The following SHISA6 variants were observed in gnomAD, a reference collection of about 807,000 sequenced individuals.
The protein encoded by SHISA6 is protein shisa-6.
SHISA6 carries 22 observed loss-of-function variants against 47.9 expected under a neutral mutation model. The ratio of observed to expected loss-of-function variants is 0.46; its 90% CI spans 0.33 to 0.66. The LOEUF is 0.66. SHISA6 is among the 30% of genes least tolerant of loss of function. The pLI is 0.02. For synonymous variants in SHISA6, 388 were observed against 337.8 expected (o/e 1.15, Z -1.63); for missense variants, 680 against 764.6 (o/e 0.89, Z 1.30).
At chr17:11,546,973 C>A (rs2071888940) in intron 3 of SHISA6, among the ~76,000 whole-genome samples, 1 of 151,954 alleles carries the variant, frequency 6.6e-6, no homozygotes, top group Non-Finnish European at 1.5e-5. Context: ...TATTTAATGT[C>A]GATAAATGGT....
chr17:11,490,330 TGA>T (rs1446620140), intron 3 of SHISA6, among the ~76,000 whole-genome samples: 1 of 151,448 alleles, frequency 6.6e-6, no homozygotes, highest in Non-Finnish European at 1.5e-5. Flanking sequence ...TTGCAGACAC[TGA>T]GAGGGAGTAA....
At chr17:11,544,350 T>C (rs1310557000) in intron 3 of SHISA6, among the ~76,000 whole-genome samples, 1 of 152,096 alleles carries the variant, frequency 6.6e-6, no homozygotes, top group East Asian at 1.9e-4. Context: ...ATAAAAATAA[T>C]TCTCAAAACA....
At chr17:11,277,320 C>A (rs1303947366) in intron 2 of SHISA6, among the ~76,000 whole-genome samples, 1 of 118,868 alleles carries the variant, frequency 8.4e-6, no homozygotes, top group African/African-American at 3.2e-5. Context: ...ACACACACAC[C>A]CCGCATGTAC....
At chr17:11,480,170 C>T (rs1030536576) in intron 3 of SHISA6, among the ~76,000 whole-genome samples, 1 of 152,140 alleles carries the variant, frequency 6.6e-6, no homozygotes, top group African/African-American at 2.4e-5. Context: ...ACCTTTGTTC[C>T]TCTACAGGTA....
chr17:11,498,528 C>T (rs536453804), intron 3 of SHISA6, among the ~76,000 whole-genome samples: 1 of 152,184 alleles, frequency 6.6e-6, no homozygotes, highest in Non-Finnish European at 1.5e-5. Context: ...GGAATGTTCC[C>T]AACATAAAAA....
chr17:11,353,181 G>A (rs565106080), intron 2 of SHISA6, among the ~76,000 whole-genome samples: 5 of 152,264 alleles, frequency 3.3e-5, no homozygotes, highest in Admixed American at 1.3e-4. Flanking sequence ...AACACGGGCC[G>A]GGCACGGTGG....
intron 3 of SHISA6, among the ~76,000 whole-genome samples, chr17:11,497,148 C>T (rs1388906887): frequency 3.3e-5 from 5 of 152,076 alleles, no homozygotes; most frequent in Admixed American, 1.3e-4. Context: ...GAAGCCTTGA[C>T]CTGGGGAAAG....
In SHISA6 at chr17:11,481,356, G is replaced by GTATATATATATATA. The variant is rs1417264013; in HGVS notation, c.896-70539_896-70538insATATATATATATAT. On this transcript the variant is annotated intron_variant, in intron 3 of 5. Transcript: ENST00000441885. The stretch of plus-strand genomic sequence containing the variant: ...TATATATGTGTGTGTGTGTGTGTGT[G>GTATATATATATATA]TGTGTGTGTGTATATATATATATAT... Among the ~76,000 whole-genome samples, 88 of 121,132 alleles carry GTATATATATATATA rather than the reference G, an allele frequency of 7.3e-4. 1 individual carries two copies. Among genetic ancestry groups the GTATATATATATATA allele is most frequent in the African/African-American group, 2.5e-3 (81 of 32,374 alleles). The allele number at this position is 121,132 out of a possible 152,430, so 79.5% of individuals were successfully genotyped here.
At chr17:11,330,978 AGTT>A (rs1472149223) in intron 2 of SHISA6, among the ~76,000 whole-genome samples, 4 of 152,208 alleles carry the variant, frequency 2.6e-5, no homozygotes, top group Non-Finnish European at 5.9e-5. Flanking sequence ...GCAGATTTGA[AGTT>A]CTAGCCAGCC....
At chr17:11,283,825 A>T (rs1909204652) in intron 2 of SHISA6, among the ~76,000 whole-genome samples, 1 of 152,218 alleles carries the variant, frequency 6.6e-6, no homozygotes. Flanking sequence ...CTGTGGAGAA[A>T]CTTATCTCTT....
At chr17:11,541,721 C>T (rs907471975) in intron 3 of SHISA6, among the ~76,000 whole-genome samples, 4 of 152,096 alleles carry the variant, frequency 2.6e-5, no homozygotes, top group Non-Finnish European at 5.9e-5. Flanking sequence ...TTTACTAATA[C>T]CAAAAGATCT....
At chr17:11,379,340 T>TGA in intron 2 of SHISA6, 74 bp from the exon 3 acceptor site, 1 of 1,080,458 alleles carries the variant, frequency 9.3e-7, no homozygotes, top group East Asian at 2.9e-5. Context: ...CACTGTTGGG[T>TGA]GAGATGCAGC....
intron 3 of SHISA6, among the ~76,000 whole-genome samples, chr17:11,424,536 T>G (rs1357697410): frequency 6.6e-6 from 1 of 151,422 alleles, no homozygotes; most frequent in Non-Finnish European, 1.5e-5. Context: ...ACTATTGGCC[T>G]GCAATTATAA....
intron 3 of SHISA6, among the ~76,000 whole-genome samples, chr17:11,393,612 A>G (rs1008196453): frequency 2.6e-5 from 4 of 151,962 alleles, no homozygotes; most frequent in African/African-American, 9.7e-5. Flanking sequence ...CCAGAATCTT[A>G]TATATATATA....
At chr17:11,332,256 T>A (rs1296023297) in intron 2 of SHISA6, among the ~76,000 whole-genome samples, 1 of 140,904 alleles carries the variant, frequency 7.1e-6, no homozygotes, top group African/African-American at 2.7e-5. Context: ...AAAAAAAAAA[T>A]GGAAAGACAA....
intron 2 of SHISA6, among the ~76,000 whole-genome samples, chr17:11,346,670 T>C (rs1911709623): frequency 6.6e-6 from 1 of 152,228 alleles, no homozygotes; most frequent in African/African-American, 2.4e-5. Context: ...TAATATATCA[T>C]TCTATGTTTA....
intron 3 of SHISA6, among the ~76,000 whole-genome samples, chr17:11,400,767 T>C (rs1003827082): frequency 6.6e-6 from 1 of 152,228 alleles, no homozygotes; most frequent in Admixed American, 6.5e-5. Context: ...GTAGCCTGCC[T>C]GGTGTACTTA....
intron 3 of SHISA6, among the ~76,000 whole-genome samples, chr17:11,540,444 G>A (rs1246559393): frequency 1.3e-5 from 2 of 152,154 alleles, no homozygotes; most frequent in Non-Finnish European, 2.9e-5. Flanking sequence ...TGTGTACACA[G>A]TTCTCCCTGC....
intron 3 of SHISA6, among the ~76,000 whole-genome samples, chr17:11,381,422 A>G (rs1913004299): frequency 6.6e-6 from 1 of 152,246 alleles, no homozygotes. Flanking sequence ...TGGGAGAAAC[A>G]GACAAAATAA....
Sources: allele counts gnomAD v4.1 joint callset (sites outside exome capture counted in the v4.1 genomes callset), GRCh38; gene constraint gnomAD v4.1.1; transcripts MANE v1.5; gene names NCBI Gene and HGNC (gene_info 2026-07-23, HGNC 2026-07-21).